Variants in DOCK1 observed in about 807,000 individuals in gnomAD.
DOCK1 encodes dedicator of cytokinesis 1, also known as dedicator of cytokinesis protein 1.
In DOCK1, 138 loss-of-function variants were observed where a neutral mutation model predicts 262.7. The observed-to-expected ratio is 0.53, with a 90% confidence interval of 0.46 to 0.61. The LOEUF (loss-of-function observed/expected upper bound fraction) is 0.61, where lower values mean the gene tolerates loss of function less well. Among genes scored for constraint, DOCK1 ranks in the 20% least tolerant of loss-of-function variants. The probability of loss-of-function intolerance (pLI) is 0.00; values close to 1 mark genes in which losing one functional copy is unlikely to be tolerated. For synonymous variants in DOCK1, 866 were observed against 867.4 expected, an observed-to-expected ratio of 1.00 and a Z score of 0.03; for missense variants, 1,908 against 2,370.7, an observed-to-expected ratio of 0.80 and a Z score of 4.05.
At position 127,347,876 on chromosome 10, in the gene DOCK1, T is replaced by G. The variant is rs112086405; in HGVS notation, c.3224+4130T>G. Among the ~76,000 whole-genome samples the G allele has an allele frequency of 3.9e-4, 13 of 33,526 alleles. 3 individuals are homozygous for G. The South Asian group carries it at 0.017, about 43-fold the overall frequency. The allele number at this position is 33,526 out of a possible 152,430, so 22.0% of individuals were successfully genotyped here. A position where few individuals can be genotyped will look rare whatever the true frequency, so the allele number is the denominator to read the frequency against. ...TCCCTTCCCTTCCCTTCCCTTCCCT[T>G]CCCTTCCCATCCCTTCCCTTCCCCC... On this transcript the variant is annotated intron_variant, in intron 31 of 51. Transcript: ENST00000623213.
intron 27 of DOCK1, chr10:127,137,759 C>T (rs2050823695): frequency 7.3e-7 from 1 of 1,372,280 alleles, no homozygotes. Flanking sequence ...TCCCTCGATC[C>T]TATTCATTTT....
chr10:127,029,103 A>G (rs2043070941), intron 16 of DOCK1, among the ~76,000 whole-genome samples: 1 of 152,200 alleles, frequency 6.6e-6, no homozygotes, highest in African/African-American at 2.4e-5. Flanking sequence ...AGTTTTAAGT[A>G]CTCATTATAG....
intron 32 of DOCK1, among the ~76,000 whole-genome samples, chr10:127,355,473 C>T (rs554410305): frequency 3.9e-5 from 6 of 152,222 alleles, no homozygotes; most frequent in South Asian, 2.1e-4. Flanking sequence ...TGCTTTGTGC[C>T]GAGGTGTCCT....
intron 27 of DOCK1, among the ~76,000 whole-genome samples, chr10:127,244,589 A>C (rs994322658): frequency 1.3e-5 from 2 of 152,168 alleles, no homozygotes; most frequent in Non-Finnish European, 2.9e-5. Context: ...TTTGGCAGGC[A>C]AATAATGATG....
At chr10:126,958,374 A>G (rs1337578906) in intron 1 of DOCK1, among the ~76,000 whole-genome samples, 1 of 152,006 alleles carries the variant, frequency 6.6e-6, no homozygotes, top group Non-Finnish European at 1.5e-5. Flanking sequence ...GTAATTTTAA[A>G]CTCACAGGGT....
At chr10:127,393,618 TAA>T (rs914081600) in intron 38 of DOCK1, among the ~76,000 whole-genome samples, 1 of 152,114 alleles carries the variant, frequency 6.6e-6, no homozygotes, top group Non-Finnish European at 1.5e-5. Context: ...CGGGTGATAT[TAA>T]AGTTTCTCTG....
At chr10:127,409,420 T>C in intron 42 of DOCK1, 29 bp downstream of exon 42, 4 of 1,609,252 alleles carry the variant, frequency 2.5e-6, no homozygotes, top group Non-Finnish European at 3.4e-6. Flanking sequence ...TTACCCAACG[T>C]GAGGGTTGTA....
At chr10:127,121,479 A>ATCTGTCCGTCTG (rs2049571800) in intron 25 of DOCK1, among the ~76,000 whole-genome samples, 1 of 30,664 alleles carries the variant, frequency 3.3e-5, no homozygotes, top group Non-Finnish European at 1.0e-4. Context: ...GTGTGTGTCT[A>ATCTGTCCGTCTG]TCTGTCCGTC....
rs115079865 is a variant in DOCK1, at chr10:127,036,270, C to T, written c.1913-1449C>T. Among the ~76,000 whole-genome samples the T allele has an allele frequency of 9.6e-3, 1,465 of 152,298 alleles. 34 individuals carry two copies. Among genetic ancestry groups the T allele is most frequent in the African/African-American group, 0.034 (1,397 of 41,578 alleles). On this transcript the variant is annotated intron_variant, in intron 18 of 51. Coordinates refer to ENST00000623213, the MANE Select transcript of DOCK1 (RefSeq NM_001290223.2). ...CTGCATGCTGGTGGTTAGGCCCACA[C>T]TTGGGCGTCTTCCACGGGATCTTTG...
intron 35 of DOCK1, among the ~76,000 whole-genome samples, chr10:127,376,784 A>G (rs1312261618): frequency 6.6e-6 from 1 of 152,194 alleles, no homozygotes; most frequent in Non-Finnish European, 1.5e-5. Context: ...TTGATGATTG[A>G]GACTTTTATT....
chr10:127,361,323 C>G (rs946678768), intron 32 of DOCK1, among the ~76,000 whole-genome samples: 3 of 151,908 alleles, frequency 2.0e-5, no homozygotes, highest in South Asian at 2.1e-4. Flanking sequence ...ACCGTGTTAG[C>G]CAGGATGGTC....
At chr10:127,318,410 G>C (rs1028291350) in intron 29 of DOCK1, among the ~76,000 whole-genome samples, 1 of 152,206 alleles carries the variant, frequency 6.6e-6, no homozygotes, top group African/African-American at 2.4e-5. Flanking sequence ...GTGAGGAGAC[G>C]AGTAGGGCTG....
intron 27 of DOCK1, among the ~76,000 whole-genome samples, chr10:127,128,360 G>C (rs1229859753): frequency 6.7e-6 from 1 of 148,586 alleles, no homozygotes; most frequent in Non-Finnish European, 1.5e-5. Flanking sequence ...TGAGGTTCAA[G>C]GGGTTATAAT....
chr10:127,402,922 T>C (rs908026828), intron 38 of DOCK1, 133 bp from the exon 39 acceptor site: 47 of 868,508 alleles, frequency 5.4e-5, no homozygotes, highest in African/African-American at 1.2e-4. Context: ...TTGTATTTTT[T>C]CGGTGTTATT....
At chr10:127,317,682 C>T (rs1195773412) in intron 29 of DOCK1, among the ~76,000 whole-genome samples, 2 of 151,878 alleles carry the variant, frequency 1.3e-5, no homozygotes, top group African/African-American at 4.8e-5. Context: ...GTCCGGGAGC[C>T]GCCTCATATA....
chr10:126,928,440 C>T (rs1194264517), intron 1 of DOCK1, among the ~76,000 whole-genome samples: 1 of 152,028 alleles, frequency 6.6e-6, no homozygotes, highest in Non-Finnish European at 1.5e-5. Context: ...TTAGGGTGGG[C>T]CTTTAATCCA....
At chr10:126,919,447 C>T (rs748510864) in intron 1 of DOCK1, among the ~76,000 whole-genome samples, 2 of 152,122 alleles carry the variant, frequency 1.3e-5, no homozygotes, top group African/African-American at 2.4e-5. Flanking sequence ...AGGCAGGAAT[C>T]GTCCTGTTCC....
chr10:126,921,756 G>A (rs572567031), intron 1 of DOCK1, among the ~76,000 whole-genome samples: 2 of 152,166 alleles, frequency 1.3e-5, no homozygotes, highest in South Asian at 4.2e-4. Context: ...GGGTTCAAGC[G>A]ATTCTCCTGC....
At chr10:126,985,891 C>T (rs2039345782) in intron 4 of DOCK1, among the ~76,000 whole-genome samples, 1 of 152,148 alleles carries the variant, frequency 6.6e-6, no homozygotes, top group Admixed American at 6.5e-5. Flanking sequence ...GTTGCCCAGG[C>T]TGGAGTGCAA....
Sources: gnomAD v4.1 joint callset for allele counts (sites outside exome capture counted in the v4.1 genomes callset) on GRCh38, gnomAD v4.1.1 for gene constraint, MANE v1.5 for transcripts, NCBI Gene and HGNC (gene_info 2026-07-23, HGNC 2026-07-21) for gene names.